The following SH3GL2 variants were observed in gnomAD, a reference collection of about 807,000 sequenced individuals.
SH3GL2 encodes SH3 domain containing GRB2 like 2, endophilin A1.
Under a neutral mutation model 46.0 loss-of-function variants are expected in SH3GL2, and 24 were observed. The ratio of observed to expected loss-of-function variants is 0.52; its 90% CI spans 0.38 to 0.73. The LOEUF (loss-of-function observed/expected upper bound fraction) is 0.73. SH3GL2 is among the 30% of genes least tolerant of loss of function. The pLI is 0.00. For synonymous variants in SH3GL2, 196 were observed against 147.1 expected (o/e 1.33, Z -2.40); for missense variants, 413 against 424.2 (o/e 0.97, Z 0.23).
intron 1 of SH3GL2, among the ~76,000 whole-genome samples, chr9:17,620,359 A>G (rs1289925203): frequency 1.3e-5 from 2 of 152,186 alleles, no homozygotes; most frequent in Non-Finnish European, 2.9e-5. Context: ...AATAGCAAAT[A>G]CTTACACAGT....
intron 1 of SH3GL2, among the ~76,000 whole-genome samples, chr9:17,722,608 G>A (rs920404550): frequency 2.0e-5 from 3 of 151,854 alleles, no homozygotes; most frequent in Non-Finnish European, 2.9e-5. Flanking sequence ...CCTGTGCCAT[G>A]CTGGTGTGCT....
At chr9:17,748,564 A>AT in intron 2 of SH3GL2, among the ~76,000 whole-genome samples, 1 of 152,172 alleles carries the variant, frequency 6.6e-6, no homozygotes, top group East Asian at 1.9e-4. Flanking sequence ...AGTGTGAGAA[A>AT]TTAAAAAAAA....
chr9:17,707,493 T>C (rs1224319481), intron 1 of SH3GL2, among the ~76,000 whole-genome samples: 1 of 152,058 alleles, frequency 6.6e-6, no homozygotes, highest in African/African-American at 2.4e-5. Flanking sequence ...TCTAGCATTC[T>C]CTGTGATCTA....
At chr9:17,631,482 A>G (rs1819420037) in intron 1 of SH3GL2, among the ~76,000 whole-genome samples, 1 of 152,186 alleles carries the variant, frequency 6.6e-6, no homozygotes, top group Admixed American at 6.5e-5. Context: ...CCACCAAACA[A>G]GATTTCTGGC....
chr9:17,755,149 A>C (rs1268129482), intron 2 of SH3GL2, among the ~76,000 whole-genome samples: 1 of 152,160 alleles, frequency 6.6e-6, no homozygotes, highest in Non-Finnish European at 1.5e-5. Context: ...TATTGTTTTG[A>C]GGTGCATTCC....
At chr9:17,637,126 A>G (rs1490861575) in intron 1 of SH3GL2, among the ~76,000 whole-genome samples, 1 of 152,226 alleles carries the variant, frequency 6.6e-6, no homozygotes, top group East Asian at 1.9e-4. Flanking sequence ...TTTGCAGTAA[A>G]TGGTGGTATC....
In SH3GL2 at chr9:17,772,908, G is replaced by A. The variant is rs1214110412; in HGVS notation, c.187+11399G>A. Among the ~76,000 whole-genome samples, 3 of 152,070 alleles carry A rather than the reference G, an allele frequency of 2.0e-5. No homozygotes were observed. In the East Asian group the frequency reaches 5.8e-4, roughly 29 times the overall value. ...AGGGAATTCTATTTTTTATTTCTGA[G>A]GTACCACTGTGCTCTCTTCCACAGC... is the stretch of plus-strand genomic sequence containing the variant. On this transcript the variant is annotated intron_variant, in intron 3 of 8. Coordinates refer to ENST00000380607, the MANE Select transcript of SH3GL2 (RefSeq NM_003026.5).
At chr9:17,697,101 C>T (rs1821222439) in intron 1 of SH3GL2, among the ~76,000 whole-genome samples, 1 of 152,134 alleles carries the variant, frequency 6.6e-6, no homozygotes, top group African/African-American at 2.4e-5. Context: ...AGAGAGGCCA[C>T]ATGGGCTGTG....
chr9:17,604,622 A>C (rs1338364990), intron 1 of SH3GL2, among the ~76,000 whole-genome samples: 2 of 152,160 alleles, frequency 1.3e-5, no homozygotes, highest in East Asian at 3.9e-4. Context: ...TGGGTGAAGC[A>C]CTTGTCTTGG....
intron 1 of SH3GL2, among the ~76,000 whole-genome samples, chr9:17,629,204 G>T (rs775358065): frequency 6.6e-6 from 1 of 152,100 alleles, no homozygotes; most frequent in Non-Finnish European, 1.5e-5. Flanking sequence ...GGCCTTTGTG[G>T]CCCTCATATT....
At chr9:17,740,766 G>A (rs974773518) in intron 1 of SH3GL2, among the ~76,000 whole-genome samples, 2 of 149,054 alleles carry the variant, frequency 1.3e-5, no homozygotes, top group East Asian at 1.9e-4. Flanking sequence ...GCTTATTAAG[G>A]AATAATAATC....
intron 1 of SH3GL2, among the ~76,000 whole-genome samples, chr9:17,625,832 G>C (rs993860860): frequency 6.6e-6 from 1 of 152,162 alleles, no homozygotes; most frequent in South Asian, 2.1e-4. Flanking sequence ...TCGTTTTTCA[G>C]TGTGAAAGGG....
At chr9:17,672,062 T>C (rs182736793) in intron 1 of SH3GL2, among the ~76,000 whole-genome samples, 268 of 152,254 alleles carry the variant, frequency 1.8e-3, no homozygotes, top group African/African-American at 6.2e-3. Context: ...GAAACTAAAT[T>C]GGAAACCGAC....
intron 1 of SH3GL2, among the ~76,000 whole-genome samples, chr9:17,746,589 G>A (rs949247706): frequency 6.6e-6 from 1 of 152,062 alleles, no homozygotes; most frequent in Non-Finnish European, 1.5e-5. Context: ...AGATTAGCTG[G>A]GCTGAGACTT....
chr9:17,740,914 T>G (rs1479406222), intron 1 of SH3GL2, among the ~76,000 whole-genome samples: 1 of 152,134 alleles, frequency 6.6e-6, no homozygotes, highest in African/African-American at 2.4e-5. Flanking sequence ...AGCAAGAGTT[T>G]AGGCATTTTC....
intron 3 of SH3GL2, among the ~76,000 whole-genome samples, chr9:17,764,118 C>G (rs1197860067): frequency 1.3e-5 from 2 of 152,092 alleles, no homozygotes; most frequent in Non-Finnish European, 1.5e-5. Context: ...ACATCTGCCA[C>G]TAAGAACAAT....
intron 1 of SH3GL2, among the ~76,000 whole-genome samples, chr9:17,599,234 CAT>C (rs1157581285): frequency 2.6e-5 from 4 of 152,236 alleles, no homozygotes; most frequent in East Asian, 1.9e-4. Flanking sequence ...CTAAACATAA[CAT>C]ATCATGCAGA....
At chr9:17,770,092 T>C (rs4961593) in intron 3 of SH3GL2, among the ~76,000 whole-genome samples, 108,784 of 152,152 alleles carry the variant, frequency 0.71, 39,167 homozygotes, top group East Asian at 0.88. Context: ...TGCAGACTTT[T>C]ACAGATCAGT....
chr9:17,760,494 TGGTATATATTATATACCACTA>T (rs778889105), intron 2 of SH3GL2, among the ~76,000 whole-genome samples: 3 of 152,104 alleles, frequency 2.0e-5, no homozygotes, highest in Non-Finnish European at 4.4e-5. Flanking sequence ...TATTATATAC[TGGTATATATTATATACCACTA>T]GGTACAGCAG....
Sources: gnomAD v4.1 joint callset for allele counts (sites outside exome capture counted in the v4.1 genomes callset) on GRCh38, gnomAD v4.1.1 for gene constraint, MANE v1.5 for transcripts, NCBI Gene and HGNC (gene_info 2026-07-23, HGNC 2026-07-21) for gene names.